The following QTRT2 variants were observed in gnomAD, a reference collection of about 807,000 sequenced individuals.
QTRT2 encodes queuine tRNA-ribosyltransferase accessory subunit 2, also known as queuine tRNA-ribosyltransferase domain containing 1.
In QTRT2, 32 loss-of-function variants were observed where a neutral mutation model predicts 44.8. The ratio of observed to expected loss-of-function variants is 0.71; its 90% confidence interval spans 0.54 to 0.96. QTRT2 has a LOEUF of 0.96. Ranked by LOEUF, QTRT2 falls within the 40% of genes least tolerant of loss-of-function variation. The pLI is 0.00. For missense variants in QTRT2, 461 were observed against 503.1 expected (o/e 0.92, Z 0.80); for synonymous variants, 182 against 187.4 (o/e 0.97, Z 0.24).
chr3:114,075,075 A>G (rs2077071472), intron 6 of QTRT2, among the ~76,000 whole-genome samples: 1 of 152,244 alleles, frequency 6.6e-6, no homozygotes, highest in South Asian at 2.1e-4. Flanking sequence ...TTTAGGATCC[A>G]TAGATAAAAG....
chr3:114,081,121 G>C (rs1046951880), intron 8 of QTRT2, among the ~76,000 whole-genome samples: 1 of 152,184 alleles, frequency 6.6e-6, no homozygotes, highest in Non-Finnish European at 1.5e-5. Context: ...GCTCTAAAAA[G>C]AACCTGATTT....
chr3:114,073,970 C>G (rs537074189), intron 6 of QTRT2, among the ~76,000 whole-genome samples: 69 of 152,274 alleles, frequency 4.5e-4, no homozygotes, highest in Admixed American at 2.3e-3. Context: ...AATATTGAAG[C>G]TCTCCAAGAT....
chr3:114,059,626 T>A (rs1253413383), intron 2 of QTRT2, among the ~76,000 whole-genome samples: 1 of 152,164 alleles, frequency 6.6e-6, no homozygotes, highest in South Asian at 2.1e-4. Context: ...TTAAAAAAAA[T>A]ATTGATTTCC....
intron 6 of QTRT2, among the ~76,000 whole-genome samples, chr3:114,071,705 CCTT>C (rs1436418497): frequency 6.6e-6 from 1 of 152,196 alleles, no homozygotes; most frequent in Non-Finnish European, 1.5e-5. Flanking sequence ...ATCTTCCCCT[CCTT>C]ATTGCCACCT....
Position 114,068,074 on chromosome 3 carries a change from A to C in QTRT2, c.333+11A>C. 5 of 1,612,328 alleles carry C rather than the reference A, an allele frequency of 3.1e-6. No homozygotes were observed. Among genetic ancestry groups the C allele is most frequent in the Non-Finnish European group, 4.2e-6 (5 of 1,178,484 alleles). ...TATGTAACAAACAAGGTGTGTTTTCAGAAGGGTCTCCAAGGCTGCAGCTTT... is the reference window on the plus strand; with the variant it reads ...TATGTAACAAACAAGGTGTGTTTTCCGAAGGGTCTCCAAGGCTGCAGCTTT... On this transcript the variant is annotated intron_variant, in intron 5 of 9. Coordinates refer to ENST00000281273, the MANE Select transcript of QTRT2 (RefSeq NM_024638.4).
intron 6 of QTRT2, among the ~76,000 whole-genome samples, chr3:114,073,103 C>G (rs1400454329): frequency 6.6e-6 from 1 of 152,154 alleles, no homozygotes; most frequent in Admixed American, 6.5e-5. Flanking sequence ...CATAGTTATT[C>G]TGAATAGAAT....
chr3:114,075,320 T>C (rs1460164029), intron 6 of QTRT2, among the ~76,000 whole-genome samples: 2 of 152,208 alleles, frequency 1.3e-5, no homozygotes, highest in African/African-American at 2.4e-5. Context: ...GTATAGGGCA[T>C]TCACATTTAT....
chr3:114,085,239 G>A lies in QTRT2; in HGVS notation c.1017-434G>A, dbSNP rs370921399. Among the ~76,000 whole-genome samples the A allele has an allele frequency of 5.3e-5, 8 of 151,636 alleles. No individual in the cohort carries two copies. The South Asian group carries it at 1.0e-3, about 20-fold the overall frequency. ...TTTTTCTTTTTTGAGATGGAGTCTC[G>A]CTCTGTTGCCCAGGCTGGAGTGCAG... On this transcript the variant is annotated intron_variant, in intron 9 of 9. Transcript: ENST00000281273.
rs754192687 is a variant in QTRT2, at chr3:114,085,729, A to ACAC, written c.1073_1074insCAC (p.Asn358_His359insThr). ...GGATGTTCCTGTTACTGCTGTAAGA[A>ACAC]TCACACTCGGGCATACATCCACCAT... On this transcript the variant is annotated inframe_insertion, in exon 10 of 10. Coordinates refer to ENST00000281273, the MANE Select transcript of QTRT2 (RefSeq NM_024638.4). 12 of 1,614,108 alleles carry ACAC rather than the reference A, an allele frequency of 7.4e-6. No individual in the cohort carries two copies. Among genetic ancestry groups the ACAC allele is most frequent in the Non-Finnish European group, 7.6e-6 (9 of 1,180,052 alleles).
intron 5 of QTRT2, among the ~76,000 whole-genome samples, chr3:114,069,354 T>C (rs9849197): frequency 0.097 from 14,700 of 152,192 alleles, 789 homozygotes; most frequent in East Asian, 0.13. Context: ...GTATTAAGCC[T>C]AGTACCCAAT....
rs1332266562 is a variant in QTRT2 at position 114,088,079 on chromosome 3, A to T, written c.*2175A>T. On this transcript the variant is annotated 3_prime_UTR_variant, in exon 10 of 10. Transcript: ENST00000281273. ...TGGAAAACAGTTTTCCAAAGATCTG[A>T]TTGTTTTGAAATGTGTTAGATTGGA... 1 of 152,126 alleles carries T rather than the reference A, an allele frequency of 6.6e-6. No homozygotes were observed. Among genetic ancestry groups the T allele is most frequent in the Non-Finnish European group, 1.5e-5 (1 of 68,028 alleles). The allele number at this position is 152,126 out of a possible 1,614,324, so 9.4% of individuals were successfully genotyped here.
intron 5 of QTRT2, 187 bp downstream of exon 5, chr3:114,068,250 G>C: frequency 1.9e-6 from 1 of 527,522 alleles, no homozygotes; most frequent in South Asian, 2.3e-5. Flanking sequence ...ATGAGGTTAA[G>C]ATGAAGAACA....
At chr3:114,060,907 G>C (rs575176023) in intron 2 of QTRT2, among the ~76,000 whole-genome samples, 1 of 152,288 alleles carries the variant, frequency 6.6e-6, no homozygotes, top group African/African-American at 2.4e-5. Flanking sequence ...AAGTAACTAA[G>C]GGGCGAGTGG....
chr3:114,058,615 C>T (rs1401142467), intron 2 of QTRT2, among the ~76,000 whole-genome samples: 3 of 152,168 alleles, frequency 2.0e-5, no homozygotes, highest in Non-Finnish European at 4.4e-5. Flanking sequence ...TCACTGCAAC[C>T]TCTGCCTCCT....
intron 4 of QTRT2, chr3:114,066,515 T>C (rs981243022): frequency 4.0e-6 from 2 of 502,826 alleles, no homozygotes; most frequent in Non-Finnish European, 7.2e-6. Flanking sequence ...TAGTAAAAAT[T>C]GTGGTTACTG....
chr3:114,073,554 A>G (rs929709890), intron 6 of QTRT2, among the ~76,000 whole-genome samples: 1 of 151,750 alleles, frequency 6.6e-6, no homozygotes, highest in African/African-American at 2.4e-5. Flanking sequence ...TAATTTCTGT[A>G]TTTTTTGGTA....
chr3:114,057,215 T>G, intron 2 of QTRT2, 109 bp downstream of exon 2: 1 of 341,118 alleles, frequency 2.9e-6, no homozygotes. Context: ...AGATGGCCCA[T>G]GGAGCAAAGA....
At chr3:114,065,150 T>G (rs1559949366) in intron 2 of QTRT2, 87 bp from the exon 3 acceptor site, 1 of 846,808 alleles carries the variant, frequency 1.2e-6, no homozygotes, top group Non-Finnish European at 1.9e-6. Context: ...TATCATTCAT[T>G]TTCCTGAAGA....
intron 1 of QTRT2, 21 bp from the exon 2 acceptor site, chr3:114,056,978 C>G (rs2107777702): frequency 5.5e-6 from 8 of 1,463,232 alleles, no homozygotes; most frequent in Non-Finnish European, 7.2e-6. Context: ...CCCGCCATGT[C>G]TCCTCTGCTT....
Sources: allele counts gnomAD v4.1 joint callset (sites outside exome capture counted in the v4.1 genomes callset), GRCh38; gene constraint gnomAD v4.1.1; transcripts MANE v1.5; gene names NCBI Gene and HGNC (gene_info 2026-07-23, HGNC 2026-07-21).